Variants in SUPT3H observed in about 807,000 individuals in gnomAD.
SUPT3H encodes transcription initiation protein SPT3 homolog.
A neutral mutation model predicts 44.3 loss-of-function variants in SUPT3H; 44 were observed. The ratio of observed to expected loss-of-function variants is 0.99; its 90% CI spans 0.78 to 1.28. SUPT3H has a LOEUF of 1.28. SUPT3H is among the 50% of genes most tolerant of loss of function. The pLI is 0.00. For missense variants in SUPT3H, 380 were observed against 387.1 expected, an observed-to-expected ratio of 0.98 and a Z score of 0.15; for synonymous variants, 124 against 125.6, an observed-to-expected ratio of 0.99 and a Z score of 0.09.
At chr6:44,809,624 C>G (rs1453108951) in intron 11 of SUPT3H, 21 of 152,144 alleles carry the variant, frequency 1.4e-4, no homozygotes. Flanking sequence ...AGTTTCAAAC[C>G]TATAATTAAA....
rs554194886 is a variant in SUPT3H, at chr6:44,850,738, TTA to T, written c.913-20883_913-20882del. On this transcript the variant is annotated intron_variant, in intron 10 of 10. Transcript: ENST00000371459. ...AGCTGGGCTTATTTTGCTTTTGGTT[TTA>T]TATACATCTATCTATCTATCTATCT... Among the ~76,000 whole-genome samples the T allele has an allele frequency of 1.2e-3, 149 of 128,510 alleles. 1 individual carries two copies. The highest frequency in any genetic ancestry group is 4.2e-3 in the African/African-American group (142 of 33,574). The allele number at this position is 128,510 out of a possible 152,430, so 84.3% of individuals were successfully genotyped here.
intron 10 of SUPT3H, among the ~76,000 whole-genome samples, chr6:44,850,308 C>G (rs55773493): frequency 0.016 from 2,382 of 152,284 alleles, 34 homozygotes; most frequent in South Asian, 0.031. Flanking sequence ...TCCACTTCCC[C>G]CTAACCTTTT....
At chr6:45,019,587 AC>A (rs1784818767) in intron 4 of SUPT3H, among the ~76,000 whole-genome samples, 1 of 151,972 alleles carries the variant, frequency 6.6e-6, no homozygotes, top group Non-Finnish European at 1.5e-5. Context: ...CTCGTTCTTG[AC>A]CTTCAGGTTC....
intron 10 of SUPT3H, among the ~76,000 whole-genome samples, chr6:44,912,390 TGTTA>T (rs752629551): frequency 4.6e-5 from 7 of 152,214 alleles, no homozygotes; most frequent in Non-Finnish European, 8.8e-5. Flanking sequence ...GGTTTATCCA[TGTTA>T]TAGCACGTAT....
At chr6:45,310,609 T>C (rs187948396) in intron 2 of SUPT3H, among the ~76,000 whole-genome samples, 1 of 152,228 alleles carries the variant, frequency 6.6e-6, no homozygotes, top group African/African-American at 2.4e-5. Context: ...AGAAGGACTG[T>C]GCACAGAAAC....
intron 3 of SUPT3H, among the ~76,000 whole-genome samples, chr6:45,029,019 A>C (rs1202662247): frequency 6.6e-6 from 1 of 151,892 alleles, no homozygotes; most frequent in South Asian, 2.1e-4. Flanking sequence ...TTGAAAGGAA[A>C]TGTATTTGTA....
intron 2 of SUPT3H, among the ~76,000 whole-genome samples, chr6:45,231,931 C>G (rs1768137635): frequency 6.6e-6 from 1 of 152,132 alleles, no homozygotes; most frequent in African/African-American, 2.4e-5. Flanking sequence ...TCCAGAATTG[C>G]TATTTGATTC....
chr6:45,320,162 A>G (rs1785262359), intron 2 of SUPT3H, among the ~76,000 whole-genome samples: 1 of 152,124 alleles, frequency 6.6e-6, no homozygotes, highest in Admixed American at 6.6e-5. Context: ...ATACTTCAAG[A>G]ATTCTATTAT....
chr6:45,017,229 T>C (rs1784430928), intron 4 of SUPT3H, among the ~76,000 whole-genome samples: 2 of 150,506 alleles, frequency 1.3e-5, no homozygotes, highest in Admixed American at 1.3e-4. Context: ...GAGTTCATTG[T>C]AGATTCTGGA....
At chr6:45,199,050 T>G (rs1455629082) in intron 2 of SUPT3H, among the ~76,000 whole-genome samples, 1 of 151,330 alleles carries the variant, frequency 6.6e-6, no homozygotes, top group Admixed American at 6.6e-5. Flanking sequence ...TTACTAGTGC[T>G]TATAAGGGCT....
At chr6:45,257,273 A>AT (rs1174669698) in intron 2 of SUPT3H, among the ~76,000 whole-genome samples, 3 of 152,230 alleles carry the variant, frequency 2.0e-5, no homozygotes, top group African/African-American at 4.8e-5. Flanking sequence ...GTACAGAGAT[A>AT]TTAAATAAAT....
chr6:45,117,323 C>G (rs962154142), intron 2 of SUPT3H, among the ~76,000 whole-genome samples: 2 of 152,066 alleles, frequency 1.3e-5, no homozygotes, highest in Non-Finnish European at 2.9e-5. Context: ...TCTCATCCAG[C>G]AGAACATCAG....
intron 3 of SUPT3H, among the ~76,000 whole-genome samples, chr6:45,103,999 A>G (rs1479742075): frequency 6.6e-6 from 1 of 152,184 alleles, no homozygotes. Context: ...TACTTAAAGA[A>G]TAAAGATAAA....
intron 2 of SUPT3H, among the ~76,000 whole-genome samples, chr6:45,119,116 A>C (rs1487111766): frequency 6.6e-6 from 1 of 152,134 alleles, no homozygotes; most frequent in Non-Finnish European, 1.5e-5. Flanking sequence ...TATAATCATA[A>C]ATGCTGAGGT....
chr6:45,307,605 A>G (rs1215636495), intron 2 of SUPT3H, among the ~76,000 whole-genome samples: 1 of 152,214 alleles, frequency 6.6e-6, no homozygotes, highest in Non-Finnish European at 1.5e-5. Flanking sequence ...ATTCACACCA[A>G]AACCCCATCT....
intron 2 of SUPT3H, among the ~76,000 whole-genome samples, chr6:45,113,602 G>A (rs1487795250): frequency 6.6e-6 from 1 of 152,130 alleles, no homozygotes; most frequent in East Asian, 1.9e-4. Context: ...AAGGTGGGTA[G>A]ATCACCTGAG....
At chr6:45,051,421 A>G (rs575862203) in intron 3 of SUPT3H, among the ~76,000 whole-genome samples, 1 of 152,226 alleles carries the variant, frequency 6.6e-6, no homozygotes, top group Non-Finnish European at 1.5e-5. Context: ...AAGAAAAAGA[A>G]AAAGGTATAA....
chr6:45,310,115 C>T (rs1783714203), intron 2 of SUPT3H, among the ~76,000 whole-genome samples: 1 of 152,160 alleles, frequency 6.6e-6, no homozygotes, highest in Non-Finnish European at 1.5e-5. Context: ...ATGAGACCAG[C>T]CTTTCAGTTC....
chr6:44,957,091 G>T (rs1345086251), intron 7 of SUPT3H, among the ~76,000 whole-genome samples: 2 of 152,150 alleles, frequency 1.3e-5, no homozygotes, highest in Non-Finnish European at 2.9e-5. Flanking sequence ...AAGATTGATA[G>T]TGAAGATTTT....
Sources: allele counts gnomAD v4.1 joint callset (sites outside exome capture counted in the v4.1 genomes callset), GRCh38; gene constraint gnomAD v4.1.1; transcripts MANE v1.5; gene names NCBI Gene and HGNC (gene_info 2026-07-23, HGNC 2026-07-21).